The following REEP1 variants were observed in gnomAD, a reference collection of about 807,000 sequenced individuals.
REEP1 encodes receptor accessory protein 1, also known as receptor expression-enhancing protein 1.
Under a neutral mutation model 40.3 loss-of-function variants are expected in REEP1, and 22 were observed. The observed-to-expected ratio is 0.55, with a 90% confidence interval of 0.39 to 0.78. The LOEUF (loss-of-function observed/expected upper bound fraction) is 0.78. Ranked by LOEUF, REEP1 falls within the 30% of genes least tolerant of loss-of-function variation. The pLI, the probability that REEP1 is intolerant of heterozygous loss-of-function variation, is 0.00. For synonymous variants in REEP1, 116 were observed against 139.2 expected, an observed-to-expected ratio of 0.83 and a Z score of 1.17; for missense variants, 280 against 361.1, an observed-to-expected ratio of 0.78 and a Z score of 1.82.
rs549412921 is a variant in REEP1 at position 86,267,198 on chromosome 2, A to C, written c.106-3157T>G. Among the ~76,000 whole-genome samples the C allele has an allele frequency of 1.7e-4, 26 of 152,148 alleles. No individual in the cohort carries two copies. The East Asian group carries it at 2.1e-3, about 12-fold the overall frequency. On this transcript the variant is annotated intron_variant, in intron 2 of 8. Coordinates refer to ENST00000538924, the MANE Select transcript of REEP1 (RefSeq NM_001371279.1). ...AAATTGTAATCCAATTTTAATCCCC[A>C]CATGTCAGAGGAGGGACTTGGTGGG...
chr2:86,281,825 C>T (rs1678110837), intron 2 of REEP1, among the ~76,000 whole-genome samples: 1 of 152,164 alleles, frequency 6.6e-6, no homozygotes, highest in South Asian at 2.1e-4. Context: ...ACTTTTTCTC[C>T]ATCACGGTGC....
chr2:86,254,640 T>C lies in REEP1; in HGVS notation c.303+54A>G. On this transcript the variant is annotated intron_variant, in intron 4 of 8. Transcript: ENST00000538924. ...CAATAAGATCATCCCTTTTTATTTA[T>C]TACTTATTTTCTCACTTGCTAGAAA... 4.4e-6 allele frequency: 7 copies of C among 1,574,298 alleles called. No individual in the cohort carries two copies. The South Asian group carries it at 7.8e-5, about 17-fold the overall frequency.
Position 86,232,712 on chromosome 2 carries a change from G to A in REEP1, c.508C>T (p.Pro170Ser). ...GCCCGCCCAGACCCCGGTGGTGGGG[G>A]GCCCGAGGGAGCAGGGGCGCCGTCT... ...RGDGAPAPSG[P>S]PPPGSGRASG... The change falls in exon 6 of 9, where the codon CCC becomes TCC. Residue 170 changes from proline to serine, a missense_variant. By Grantham distance (74) the Pro-to-Ser change is moderately conservative (BLOSUM62 -1). This residue lies in a region of REEP1 where 201 missense variants were observed against 238.5 expected (regional missense o/e 0.84). Coordinates refer to ENST00000538924, the MANE Select transcript of REEP1 (RefSeq NM_001371279.1). 1 of 1,610,894 alleles carries A rather than the reference G, an allele frequency of 6.2e-7. No individual in the cohort carries two copies. The highest frequency in any genetic ancestry group is 8.5e-7 in the Non-Finnish European group (1 of 1,179,986).
chr2:86,309,973 G>A (rs1267657014), intron 1 of REEP1, among the ~76,000 whole-genome samples: 1 of 152,170 alleles, frequency 6.6e-6, no homozygotes, highest in African/African-American at 2.4e-5. Context: ...GCCAAGTGGA[G>A]AGGGCAGGTC....
At chr2:86,263,944 C>T (rs1300354219) in intron 3 of REEP1, 21 bp downstream of exon 3, 1 of 1,594,166 alleles carries the variant, frequency 6.3e-7, no homozygotes, top group Non-Finnish European at 8.6e-7. Context: ...TTAGAAACAT[C>T]CCAACTCCTG....
At chr2:86,308,933 G>A (rs983217894) in intron 1 of REEP1, among the ~76,000 whole-genome samples, 2 of 152,116 alleles carry the variant, frequency 1.3e-5, no homozygotes, top group African/African-American at 4.8e-5. Context: ...GTCCTGGAAG[G>A]CCAGGCCATG....
At position 86,282,732 on chromosome 2, in the gene REEP1, C is replaced by T. The variant is rs567130890; in HGVS notation, c.33-490G>A. Among the ~76,000 whole-genome samples, 16 of 152,260 alleles carry T rather than the reference C, an allele frequency of 1.1e-4. No homozygotes were observed. The South Asian group carries it at 3.1e-3, about 30-fold the overall frequency. ...TATTGTAAATCCAATCAGGCCAAGC[C>T]CTCCTCCCACCAATACATCCCATCT... On this transcript the variant is annotated intron_variant, in intron 1 of 8. Coordinates refer to ENST00000538924, the MANE Select transcript of REEP1 (RefSeq NM_001371279.1).
upstream of REEP1, chr2:86,337,785 G>A (rs1681125387): frequency 2.5e-6 from 2 of 803,808 alleles, no homozygotes; most frequent in East Asian, 4.3e-5. The surrounding 1 kb of genome is among the most constrained non-coding windows in gnomAD (Gnocchi z 5.8). Context: ...CGTCCCGCTC[G>A]CCCTGGCCCC....
At chr2:86,246,013 C>T (rs563635695) in intron 5 of REEP1, among the ~76,000 whole-genome samples, 6 of 152,290 alleles carry the variant, frequency 3.9e-5, no homozygotes, top group East Asian at 3.9e-4. Flanking sequence ...ATCCGCCCGC[C>T]TTGGCCTCCC....
intron 2 of REEP1, among the ~76,000 whole-genome samples, chr2:86,267,260 G>T (rs898028420): frequency 6.6e-6 from 1 of 152,142 alleles, no homozygotes; most frequent in Non-Finnish European, 1.5e-5. Context: ...CCCCCATGTG[G>T]TTCTCATGAT....
intron 1 of REEP1, among the ~76,000 whole-genome samples, chr2:86,302,764 T>A (rs745510240): frequency 6.6e-6 from 1 of 152,210 alleles, no homozygotes; most frequent in Non-Finnish European, 1.5e-5. Flanking sequence ...CTTTTTGTAT[T>A]CAAAAAGTCT....
chr2:86,299,267 T>C (rs1306845073), intron 1 of REEP1, among the ~76,000 whole-genome samples: 1 of 152,208 alleles, frequency 6.6e-6, no homozygotes, highest in Non-Finnish European at 1.5e-5. Context: ...TCTAATGCAT[T>C]GGACTAGAAG....
At chr2:86,257,636 CTTT>C (rs58647410) in intron 3 of REEP1, among the ~76,000 whole-genome samples, 11 of 133,746 alleles carry the variant, frequency 8.2e-5, no homozygotes, top group Admixed American at 1.5e-4. Context: ...CCTCACTCAT[CTTT>C]TTTTTTTTTT....
chr2:86,270,351 C>A (rs909713019), intron 2 of REEP1, among the ~76,000 whole-genome samples: 2 of 152,182 alleles, frequency 1.3e-5, no homozygotes, highest in African/African-American at 4.8e-5. Flanking sequence ...CATGCGCCAC[C>A]ACGCCTGGCT....
intron 5 of REEP1, among the ~76,000 whole-genome samples, chr2:86,236,182 C>T (rs1055092499): frequency 6.6e-6 from 1 of 151,556 alleles, no homozygotes; most frequent in African/African-American, 2.4e-5. Flanking sequence ...TGCCATTGCA[C>T]TCCAGCCTGG....
At chr2:86,272,670 C>G (rs1677521745) in intron 2 of REEP1, among the ~76,000 whole-genome samples, 1 of 152,214 alleles carries the variant, frequency 6.6e-6, no homozygotes, top group Non-Finnish European at 1.5e-5. Flanking sequence ...CACTTCCACC[C>G]TCTTGTATTT....
chr2:86,310,760 A>G (rs1166153175), intron 1 of REEP1, among the ~76,000 whole-genome samples: 1 of 152,018 alleles, frequency 6.6e-6, no homozygotes, highest in Non-Finnish European at 1.5e-5. Flanking sequence ...TGTAGTAATA[A>G]CAATGTACGG....
At chr2:86,282,857 C>T (rs1678173042) in intron 1 of REEP1, among the ~76,000 whole-genome samples, 1 of 152,198 alleles carries the variant, frequency 6.6e-6, no homozygotes, top group Admixed American at 6.5e-5. Flanking sequence ...ATGCTCAGGG[C>T]TGCGTTGGGT....
chr2:86,238,095 C>T (rs566168289), intron 5 of REEP1, among the ~76,000 whole-genome samples: 4 of 152,216 alleles, frequency 2.6e-5, no homozygotes, highest in African/African-American at 9.6e-5. Context: ...GCAGGAGAAT[C>T]GCTTGAACCC....
Sources: allele counts gnomAD v4.1 joint callset (sites outside exome capture counted in the v4.1 genomes callset), GRCh38; gene constraint gnomAD v4.1.1; regional missense constraint gnomAD v4.1.1; non-coding constraint Gnocchi (gnomAD v3.1); transcripts MANE v1.5; gene names NCBI Gene and HGNC (gene_info 2026-07-23, HGNC 2026-07-21).